NFIA: variants seen among roughly 807,000 people sequenced by gnomAD.
NFIA encodes nuclear factor I A.
In NFIA, 8 loss-of-function variants were observed where a neutral mutation model predicts 62.8. The ratio of observed to expected loss-of-function variants is 0.13; its 90% CI spans 0.07 to 0.23. The LOEUF is 0.23. NFIA is among the 10% of genes least tolerant of loss of function. The pLI is 1.00. For missense variants in NFIA, 410 were observed against 642.1 expected (o/e 0.64, Z 3.91); for synonymous variants, 235 against 238.1 (o/e 0.99, Z 0.12).
At position 61,426,569 on chromosome 1, in the gene NFIA, C is replaced by T; in HGVS notation, c.1512+13C>T. 5.8e-6 allele frequency: 9 copies of T among 1,540,404 alleles called. No homozygotes were observed. Among genetic ancestry groups the T allele is most frequent in the East Asian group, 2.4e-5 (1 of 40,860 alleles). On this transcript the variant is annotated intron_variant, in intron 10 of 10. Coordinates refer to ENST00000403491, the MANE Select transcript of NFIA (RefSeq NM_001134673.4). The stretch of plus-strand genomic sequence containing the variant: ...TCAACAGACACAGGTGGGCCGCTCT[C>T]ATCTTTTCTGTATGTGGTGCAGCTT...
In NFIA at chr1:61,432,494, G is replaced by A. The variant is rs187465354; in HGVS notation, c.1512+5938G>A. Among the ~76,000 whole-genome samples the A allele has an allele frequency of 9.0e-3, 1,366 of 151,930 alleles. 7 individuals are homozygous for A. Among genetic ancestry groups the A allele is most frequent in the Non-Finnish European group, 0.012 (816 of 67,956 alleles). On this transcript the variant is annotated intron_variant, in intron 10 of 10. Coordinates refer to ENST00000403491, the MANE Select transcript of NFIA (RefSeq NM_001134673.4). ...GCCCACCCTGACAGGAGCTGCCTGA[G>A]TGTAGAAGGTTAGTTACCACACAGA...
chr1:61,131,222 A>G (rs960076917), intron 2 of NFIA, among the ~76,000 whole-genome samples: 1 of 148,578 alleles, frequency 6.7e-6, no homozygotes, highest in Non-Finnish European at 1.5e-5. Flanking sequence ...TCACTGATGC[A>G]TTTTCCAGCA....
chr1:61,340,292 C>G (rs1350459355), intron 4 of NFIA, among the ~76,000 whole-genome samples: 1 of 152,178 alleles, frequency 6.6e-6, no homozygotes, highest in Non-Finnish European at 1.5e-5. Context: ...GTTATGCTTT[C>G]TATGTGTCAA....
intron 2 of NFIA, among the ~76,000 whole-genome samples, chr1:61,261,277 AGATGGTCTCTAACTTAG>A (rs1656757548): frequency 6.6e-6 from 1 of 152,220 alleles, no homozygotes; most frequent in African/African-American, 2.4e-5. Context: ...TTATGAATAC[AGATGGTCTCTAACTTAG>A]GATGGTTCAA....
intron 2 of NFIA, among the ~76,000 whole-genome samples, chr1:61,234,736 C>T (rs1460953211): frequency 6.6e-6 from 1 of 152,214 alleles, no homozygotes; most frequent in African/African-American, 2.4e-5. Flanking sequence ...AGCTGTGCTG[C>T]TTTAATGGTC....
chr1:61,196,356 G>A (rs768491449), intron 2 of NFIA, among the ~76,000 whole-genome samples: 1 of 152,138 alleles, frequency 6.6e-6, no homozygotes, highest in African/African-American at 2.4e-5. Context: ...TGGCTATGGA[G>A]CTCCTAATTA....
intron 3 of NFIA, among the ~76,000 whole-genome samples, chr1:61,286,203 G>A (rs183989000): frequency 4.0e-4 from 61 of 152,060 alleles, no homozygotes; most frequent in Middle Eastern, 3.4e-3. Flanking sequence ...CAAGGCAGGC[G>A]GATCACGAGG....
chr1:61,344,162 C>G (rs1347244151), intron 4 of NFIA, among the ~76,000 whole-genome samples: 2 of 152,152 alleles, frequency 1.3e-5, no homozygotes, highest in Admixed American at 6.5e-5. Context: ...AAATTACTTT[C>G]CAAGTTAATT....
At chr1:61,187,316 C>A (rs1651260726) in intron 2 of NFIA, among the ~76,000 whole-genome samples, 1 of 152,208 alleles carries the variant, frequency 6.6e-6, no homozygotes, top group Non-Finnish European at 1.5e-5. Flanking sequence ...TATCCACTTC[C>A]AAAGAGAACA....
intron 7 of NFIA, among the ~76,000 whole-genome samples, chr1:61,390,837 T>G (rs1664936499): frequency 6.6e-6 from 1 of 152,186 alleles, no homozygotes; most frequent in East Asian, 1.9e-4. Context: ...GTGCCCGGCA[T>G]AAGGAAAGCA....
At chr1:61,259,672 T>C (rs1401419480) in intron 2 of NFIA, among the ~76,000 whole-genome samples, 1 of 152,240 alleles carries the variant, frequency 6.6e-6, no homozygotes, top group African/African-American at 2.4e-5. Context: ...GCTGTATACA[T>C]GTGACTAACA....
rs1300711580 is a variant in NFIA at position 61,353,103 on chromosome 1, C to A, written c.818+536C>A. 3.9e-5 allele frequency among the ~76,000 whole-genome samples: 6 copies of A among 152,224 alleles called. No homozygotes were observed. In the East Asian group the frequency reaches 1.2e-3, roughly 29 times the overall value. ...AGTGTCATGCCCACAGCAGACATTA[C>A]AGCTCAGTGCCAGCTCTTTTCCCAC... On this transcript the variant is annotated intron_variant, in intron 5 of 10. Coordinates refer to ENST00000403491, the MANE Select transcript of NFIA (RefSeq NM_001134673.4).
intron 10 of NFIA, among the ~76,000 whole-genome samples, chr1:61,443,141 A>C (rs1667658906): frequency 6.6e-6 from 1 of 152,204 alleles, no homozygotes; most frequent in Non-Finnish European, 1.5e-5. Flanking sequence ...TTGAACATGC[A>C]AGAAAAGTGA....
chr1:61,251,892 A>G (rs1656065160), intron 2 of NFIA, among the ~76,000 whole-genome samples: 1 of 152,202 alleles, frequency 6.6e-6, no homozygotes, highest in South Asian at 2.1e-4. Context: ...TGTTCTTTAA[A>G]TATATTTAGA....
chr1:61,351,132 G>A (rs144519365), intron 4 of NFIA, among the ~76,000 whole-genome samples: 146 of 152,336 alleles, frequency 9.6e-4, no homozygotes, highest in African/African-American at 3.3e-3. Flanking sequence ...GGCATATTAA[G>A]TGCATTTTAA....
At chr1:61,109,546 G>A (rs1646660921) in intron 2 of NFIA, among the ~76,000 whole-genome samples, 1 of 151,086 alleles carries the variant, frequency 6.6e-6, no homozygotes. Flanking sequence ...TTAATTAATT[G>A]AAATGCCTCT....
intron 3 of NFIA, among the ~76,000 whole-genome samples, chr1:61,283,443 G>A (rs933596733): frequency 4.6e-5 from 7 of 151,244 alleles, no homozygotes; most frequent in Admixed American, 1.3e-4. Flanking sequence ...TTAACCGGGC[G>A]TGATGGCAGA....
chr1:61,363,098 C>A (rs1416352733), intron 6 of NFIA, among the ~76,000 whole-genome samples: 1 of 152,116 alleles, frequency 6.6e-6, no homozygotes, highest in Admixed American at 6.5e-5. Context: ...ATATAATGAT[C>A]CTGCCTCTAA....
intron 2 of NFIA, among the ~76,000 whole-genome samples, chr1:61,125,891 C>T (rs1052776768): frequency 2.6e-5 from 4 of 152,106 alleles, no homozygotes; most frequent in African/African-American, 9.7e-5. Flanking sequence ...TCTCGTGATA[C>T]CCTGAAAGCC....
Sources: allele counts gnomAD v4.1 joint callset (sites outside exome capture counted in the v4.1 genomes callset), GRCh38; gene constraint gnomAD v4.1.1; transcripts MANE v1.5; gene names NCBI Gene and HGNC (gene_info 2026-07-23, HGNC 2026-07-21).